The following PCDH15 variants were observed in gnomAD, a reference collection of about 807,000 sequenced individuals.
PCDH15 encodes protocadherin related 15, also known as protocadherin-15.
A neutral mutation model predicts 178.5 loss-of-function variants in PCDH15; 129 were observed. The ratio of observed to expected loss-of-function variants is 0.72; its 90% CI spans 0.63 to 0.84. PCDH15 has a LOEUF of 0.84. Ranked by LOEUF, PCDH15 falls within the 40% of genes least tolerant of loss-of-function variation. The probability of loss-of-function intolerance (pLI) is 0.00; values close to 1 mark genes in which losing one functional copy is unlikely to be tolerated. For synonymous variants in PCDH15, 800 were observed against 732.0 expected, an observed-to-expected ratio of 1.09 and a Z score of -1.50; for missense variants, 2,230 against 2,099.9, an observed-to-expected ratio of 1.06 and a Z score of -1.21.
chr10:55,489,265 C>T (rs2132126346), intron 2 of PCDH15, among the ~76,000 whole-genome samples: 1 of 151,540 alleles, frequency 6.6e-6, no homozygotes. Context: ...ATAGTGATTA[C>T]AGAGTTTTAT....
At chr10:54,295,955 T>C (rs1366047617) in intron 8 of PCDH15, among the ~76,000 whole-genome samples, 46 of 150,288 alleles carry the variant, frequency 3.1e-4, no homozygotes, top group African/African-American at 9.9e-4. Context: ...CCATCCCGGC[T>C]AAAATGGTGA....
intron 3 of PCDH15, among the ~76,000 whole-genome samples, chr10:54,849,730 C>T (rs1480446426): frequency 6.6e-6 from 1 of 151,972 alleles, no homozygotes; most frequent in Non-Finnish European, 1.5e-5. Context: ...AGGAAAGAAC[C>T]GCAATTACTT....
At chr10:54,122,158 G>T (rs11498093) in intron 15 of PCDH15, among the ~76,000 whole-genome samples, 4,459 of 151,880 alleles carry the variant, frequency 0.029, 237 homozygotes, top group African/African-American at 0.1. Flanking sequence ...TTTAATTTAC[G>T]ATGATCAGGT....
At chr10:54,330,177 A>T (rs1355257841) in intron 6 of PCDH15, among the ~76,000 whole-genome samples, 1 of 151,870 alleles carries the variant, frequency 6.6e-6, no homozygotes, top group African/African-American at 2.4e-5. Flanking sequence ...TACAAAAAAA[A>T]AAATACAGTT....
chr10:53,864,665 C>G (rs1434647028), intron 27 of PCDH15, among the ~76,000 whole-genome samples: 1 of 152,116 alleles, frequency 6.6e-6, no homozygotes, highest in Non-Finnish European at 1.5e-5. Context: ...AGTCCACTCC[C>G]AACTTGTGGA....
chr10:55,365,691 A>C (rs1342414417), intron 2 of PCDH15, among the ~76,000 whole-genome samples: 1 of 151,966 alleles, frequency 6.6e-6, no homozygotes, highest in Non-Finnish European at 1.5e-5. Context: ...CCCCTGCACA[A>C]GCTCTCTTCT....
chr10:54,432,813 T>C (rs2136021229), intron 3 of PCDH15, among the ~76,000 whole-genome samples: 1 of 152,144 alleles, frequency 6.6e-6, no homozygotes, highest in South Asian at 2.1e-4. Context: ...TAGAAAATAT[T>C]TGCAAACTAA....
intron 3 of PCDH15, among the ~76,000 whole-genome samples, chr10:54,865,943 T>A (rs1039641086): frequency 2.6e-5 from 4 of 152,214 alleles, no homozygotes; most frequent in African/African-American, 9.6e-5. Context: ...ATAATATATA[T>A]CTCTAATGAA....
intron 1 of PCDH15, among the ~76,000 whole-genome samples, chr10:54,784,464 G>GA (rs977094895): frequency 1.3e-5 from 2 of 151,528 alleles, no homozygotes; most frequent in African/African-American, 4.8e-5. Context: ...AGTGCTGAAA[G>GA]AAAAAAATAA....
At chr10:54,398,071 T>C (rs1233299417) in intron 3 of PCDH15, among the ~76,000 whole-genome samples, 4 of 151,982 alleles carry the variant, frequency 2.6e-5, no homozygotes, top group African/African-American at 4.8e-5. Flanking sequence ...TCTTATCCCA[T>C]GCAGAGATCA....
chr10:53,988,082 G>C lies in PCDH15; in HGVS notation c.2868+7567C>G, dbSNP rs556032327. On this transcript the variant is annotated intron_variant, in intron 21 of 37. Transcript: ENST00000644397. Reference sequence around the variant, plus strand: ...ATATTTTCTGCCCGATCCATCCCAGGCTCTTTAAATGCAACCACATCATCC... The same window carrying C: ...ATATTTTCTGCCCGATCCATCCCAGCCTCTTTAAATGCAACCACATCATCC... Among the ~76,000 whole-genome samples the C allele has an allele frequency of 5.3e-5, 8 of 152,142 alleles. No individual in the cohort carries two copies. In the South Asian group the frequency reaches 1.7e-3, roughly 32 times the overall value.
At chr10:55,433,286 A>G (rs545238732) in intron 2 of PCDH15, among the ~76,000 whole-genome samples, 141 of 152,276 alleles carry the variant, frequency 9.3e-4, no homozygotes, top group Non-Finnish European at 1.9e-3. Context: ...GAAGAAGAAC[A>G]TGTCCTTTGC....
intron 3 of PCDH15, among the ~76,000 whole-genome samples, chr10:54,520,344 A>G (rs1439473216): frequency 1.3e-5 from 2 of 152,164 alleles, no homozygotes; most frequent in Non-Finnish European, 2.9e-5. Flanking sequence ...CAGAATCTAC[A>G]ATGAACTCAA....
intron 2 of PCDH15, among the ~76,000 whole-genome samples, chr10:54,595,436 GA>G (rs755331329): frequency 2.6e-5 from 4 of 151,576 alleles, no homozygotes; most frequent in African/African-American, 7.3e-5. Flanking sequence ...TAGAATAAAA[GA>G]AAAAAAATCC....
At chr10:54,732,495 G>A (rs1407140844) in intron 1 of PCDH15, among the ~76,000 whole-genome samples, 1 of 151,394 alleles carries the variant, frequency 6.6e-6, no homozygotes, top group Non-Finnish European at 1.5e-5. Context: ...AGAAAATAAT[G>A]GATAACCTAA....
At chr10:54,805,545 T>C (rs573620455), upstream of PCDH15, among the ~76,000 whole-genome samples, 162 of 152,286 alleles carry the variant, frequency 1.1e-3, no homozygotes, top group African/African-American at 3.6e-3. Flanking sequence ...TCTGACACCC[T>C]TTTATTGTCA....
chr10:54,233,898 T>C (rs138239467), intron 9 of PCDH15, among the ~76,000 whole-genome samples: 10 of 152,274 alleles, frequency 6.6e-5, no homozygotes, highest in South Asian at 2.1e-4. Context: ...AGTAGAACCA[T>C]TGAAGAGGTT....
intron 26 of PCDH15, among the ~76,000 whole-genome samples, chr10:53,896,099 A>C (rs1474997189): frequency 1.3e-5 from 2 of 152,076 alleles, no homozygotes; most frequent in Non-Finnish European, 2.9e-5. Context: ...ATTTTAATTG[A>C]TATTATTTTA....
At chr10:54,483,387 A>G (rs572326443) in intron 3 of PCDH15, among the ~76,000 whole-genome samples, 76 of 151,944 alleles carry the variant, frequency 5.0e-4, no homozygotes, top group Middle Eastern at 3.4e-3. Context: ...TATTTATTTT[A>G]TGAAGGGAGA....
Sources: gnomAD v4.1 joint callset for allele counts (sites outside exome capture counted in the v4.1 genomes callset) on GRCh38, gnomAD v4.1.1 for gene constraint, MANE v1.5 for transcripts, NCBI Gene and HGNC (gene_info 2026-07-23, HGNC 2026-07-21) for gene names.